Variants in GREB1 observed in about 807,000 individuals in gnomAD.
GREB1 encodes the protein protein GREB1.
Under a neutral mutation model 200.7 loss-of-function variants are expected in GREB1, and 106 were observed. The observed-to-expected ratio is 0.53, with a 90% confidence interval of 0.45 to 0.62. The LOEUF (loss-of-function observed/expected upper bound fraction) is 0.62. Among genes scored for constraint, GREB1 ranks in the 20% least tolerant of loss-of-function variants. The probability of loss-of-function intolerance (pLI) is 0.00; values close to 1 mark genes in which losing one functional copy is unlikely to be tolerated. For synonymous variants in GREB1, 1,132 were observed against 1,092.4 expected (o/e 1.04, Z -0.72); for missense variants, 2,243 against 2,556.8 (o/e 0.88, Z 2.65).
Position 11,597,823 on chromosome 2 carries a change from C to T in GREB1, c.1997C>T (p.Ala666Val), listed in dbSNP as rs1681409324. 3.7e-6 allele frequency: 6 copies of T among 1,614,184 alleles called. No individual in the cohort carries two copies. Among genetic ancestry groups the T allele is most frequent in the Non-Finnish European group, 5.1e-6 (6 of 1,180,012 alleles). Residue 666 changes from alanine (A) to valine (V), a missense_variant, in exon 14 of 33, where the codon GCA (alanine) becomes GTA (valine). Ala to Val is a moderately conservative substitution (Grantham distance 64). Coordinates refer to ENST00000381486, the MANE Select transcript of GREB1 (RefSeq NM_014668.4). The surrounding 1 kb of genome is among the most constrained non-coding windows in gnomAD (Gnocchi z 4.1). ...EPHSIRPFQL[A>V]VAQKLLSHVC... Reference sequence around the variant, plus strand: ...CACAGCATCCGGCCCTTCCAGCTGGCAGTAGCGCAGAAGCTCCTCTCCCAT... The same window carrying T: ...CACAGCATCCGGCCCTTCCAGCTGGTAGTAGCGCAGAAGCTCCTCTCCCAT...
rs1260334940 is a variant in GREB1 at position 11,629,141 on chromosome 2, A to G, written c.4450-807A>G. Among the ~76,000 whole-genome samples the G allele has an allele frequency of 6.6e-6, 1 of 151,568 alleles. No individual in the cohort carries two copies. Among genetic ancestry groups the G allele is most frequent in the Non-Finnish European group, 1.5e-5 (1 of 67,906 alleles). On this transcript the variant is annotated intron_variant, in intron 25 of 32. Transcript: ENST00000381486. The surrounding 1 kb of genome is among the most constrained non-coding windows in gnomAD (Gnocchi z 5.2). ...GTCTAGAAGAGCCATGGCAGAGATT[A>G]AAGCAGTGTGTGCTCGTCTGCCTCC...
chr2:11,502,071 C>T (rs1673063664), intron 1 of GREB1, among the ~76,000 whole-genome samples: 1 of 151,224 alleles, frequency 6.6e-6, no homozygotes, highest in Admixed American at 6.6e-5. Context: ...CATGCACCAC[C>T]ACACCTGGCT....
At chr2:11,591,837 G>A (rs1190663517) in intron 10 of GREB1, 1 of 201,030 alleles carries the variant, frequency 5.0e-6, no homozygotes, top group Non-Finnish European at 9.9e-6. Context: ...GGGACATTAT[G>A]GACACACTAA....
chr2:11,578,273 C>T, intron 5 of GREB1, 24 bp from the exon 6 acceptor site: 6 of 1,599,586 alleles, frequency 3.8e-6, no homozygotes, highest in Non-Finnish European at 5.1e-6. Flanking sequence ...AGTTGGTTTT[C>T]ACGTGTGCAC....
Position 11,602,467 on chromosome 2 carries a change from C to T in GREB1, c.2591C>T (p.Thr864Ile), listed in dbSNP as rs1306656557. 1.2e-6 allele frequency: 2 copies of T among 1,612,506 alleles called. No individual in the cohort carries two copies. The highest frequency in any genetic ancestry group is 1.7e-6 in the Non-Finnish European group (2 of 1,178,594). The change falls in exon 17 of 33, where the codon ACC becomes ATC. Residue 864 changes from threonine to isoleucine, a missense_variant. Thr to Ile is a moderately conservative substitution (Grantham distance 89). Around this residue, in one of 3 missense-constraint regions of GREB1, gnomAD observed 1,178 missense variants for 1,387.4 expected, o/e 0.85. Coordinates refer to ENST00000381486, the MANE Select transcript of GREB1 (RefSeq NM_014668.4). ...GGGCTGTCGGAGTTTATTGAATCCA[C>T]CCTTTCAGGACACAGCCTCCCCTTG... ...YFGLSEFIESTLSGHSLPLLR... is the reference protein window; with the variant it reads ...YFGLSEFIESILSGHSLPLLR...
In GREB1 at chr2:11,493,025, C is replaced by T. The variant is rs1472343368; in HGVS notation, c.-159+10644C>T. Reference sequence around the variant, plus strand: ...CCCAAGTCCCAGGAAGGGCTGATGGCAGCTGCTGGCCTTGAGCAATTGTCC... The same window carrying T: ...CCCAAGTCCCAGGAAGGGCTGATGGTAGCTGCTGGCCTTGAGCAATTGTCC... On this transcript the variant is annotated intron_variant, in intron 1 of 2. Coordinates refer to the GREB1 transcript ENST00000628795. The surrounding 1 kb of genome is among the most constrained non-coding windows in gnomAD (Gnocchi z 4.6). Among the ~76,000 whole-genome samples the T allele has an allele frequency of 6.6e-6, 1 of 152,234 alleles. No individual in the cohort carries two copies. The highest frequency in any genetic ancestry group is 1.5e-5 in the Non-Finnish European group (1 of 68,044).
At chr2:11,549,153 A>G (rs1401925653) in intron 1 of GREB1, among the ~76,000 whole-genome samples, 1 of 152,120 alleles carries the variant, frequency 6.6e-6, no homozygotes, top group Non-Finnish European at 1.5e-5. Flanking sequence ...TCTGAAAAAT[A>G]TTCTTTGGGA....
At chr2:11,527,486 A>G (rs1381661813) in intron 1 of GREB1, among the ~76,000 whole-genome samples, 3 of 152,212 alleles carry the variant, frequency 2.0e-5, no homozygotes, top group Non-Finnish European at 4.4e-5. Context: ...TGGAAAGATA[A>G]CTTCACGAGG....
At chr2:11,562,247 T>C (rs762469478) in intron 2 of GREB1, among the ~76,000 whole-genome samples, 10 of 152,198 alleles carry the variant, frequency 6.6e-5, no homozygotes, top group Non-Finnish European at 1.3e-4. Flanking sequence ...AGAAGGTTGA[T>C]AAAACCCGAC....
In GREB1 at chr2:11,629,099, A is replaced by G. The variant is rs1432912760; in HGVS notation, c.4450-849A>G. ...CCTTTCTCCCTCATCTCTGCTCCCAAAGAAAGGGCTCTGTGGGTCTAGAAG... is the reference window on the plus strand; with the variant it reads ...CCTTTCTCCCTCATCTCTGCTCCCAGAGAAAGGGCTCTGTGGGTCTAGAAG... On this transcript the variant is annotated intron_variant, in intron 25 of 32. Coordinates refer to ENST00000381486, the MANE Select transcript of GREB1 (RefSeq NM_014668.4). This position sits in a 1 kb window ranked among gnomAD's most constrained non-coding sequence, Gnocchi z 5.2. 6.6e-6 allele frequency among the ~76,000 whole-genome samples: 1 copy of G among 152,074 alleles called. No homozygotes were observed. Among genetic ancestry groups the G allele is most frequent in the South Asian group, 2.1e-4 (1 of 4,832 alleles).
At chr2:11,631,036 C>G (rs1684834465) in intron 26 of GREB1, among the ~76,000 whole-genome samples, 1 of 152,280 alleles carries the variant, frequency 6.6e-6, no homozygotes. Flanking sequence ...ACCTCCTACC[C>G]CACGGGCTGG....
chr2:11,483,006 G>A (rs1309247753), intron 1 of GREB1, among the ~76,000 whole-genome samples: 3 of 151,432 alleles, frequency 2.0e-5, no homozygotes, highest in Admixed American at 1.3e-4. Flanking sequence ...GAGCGGGGGC[G>A]CGGGGCTGTG....
chr2:11,578,468 A>G (rs1342092677), intron 6 of GREB1, 37 bp downstream of exon 6: 2 of 1,605,656 alleles, frequency 1.2e-6, no homozygotes, highest in Non-Finnish European at 1.7e-6. Context: ...TGCTAAACCC[A>G]CAGAGCTGGC....
intron 1 of GREB1, among the ~76,000 whole-genome samples, chr2:11,515,621 C>G (rs1673471691): frequency 6.6e-6 from 1 of 152,140 alleles, no homozygotes; most frequent in Admixed American, 6.5e-5. Flanking sequence ...GGGCACTGAC[C>G]TGGTGGCTTC....
At chr2:11,512,117 T>G (rs1673369546) in intron 1 of GREB1, among the ~76,000 whole-genome samples, 1 of 152,226 alleles carries the variant, frequency 6.6e-6, no homozygotes, top group Non-Finnish European at 1.5e-5. Flanking sequence ...TGACATGAAA[T>G]TCACACAACA....
intron 5 of GREB1, among the ~76,000 whole-genome samples, chr2:11,578,017 C>A (rs568303483): frequency 2.5e-4 from 38 of 152,344 alleles, no homozygotes; most frequent in African/African-American, 7.9e-4. Flanking sequence ...CTACGGGTAG[C>A]TGTAGGGTGA....
At chr2:11,527,272 TAGAA>T (rs924626126) in intron 1 of GREB1, among the ~76,000 whole-genome samples, 39 of 152,364 alleles carry the variant, frequency 2.6e-4, no homozygotes, top group African/African-American at 8.7e-4. Context: ...GTCATATTAT[TAGAA>T]AGAAAGAGGC....
At chr2:11,607,206 C>T (rs1394773366) in intron 17 of GREB1, among the ~76,000 whole-genome samples, 2 of 151,958 alleles carry the variant, frequency 1.3e-5, no homozygotes, top group African/African-American at 4.8e-5. Context: ...ATCTCAGCTT[C>T]CCAAACAGCT....
intron 1 of GREB1, among the ~76,000 whole-genome samples, chr2:11,551,704 T>G (rs1321759270): frequency 6.6e-6 from 1 of 152,214 alleles, no homozygotes; most frequent in African/African-American, 2.4e-5. Context: ...GACATCCTAC[T>G]CAGTGGTCTA....
Sources: gnomAD v4.1 joint callset for allele counts (sites outside exome capture counted in the v4.1 genomes callset) on GRCh38, gnomAD v4.1.1 for gene constraint, gnomAD v4.1.1 regional missense constraint, Gnocchi (gnomAD v3.1) non-coding constraint, MANE v1.5 for transcripts, NCBI Gene and HGNC (gene_info 2026-07-23, HGNC 2026-07-21) for gene names.